The following MINAR1 variants were observed in gnomAD, a reference collection of about 807,000 sequenced individuals.
MINAR1 encodes the protein major intrinsically disordered Notch2-binding receptor 1.
A neutral mutation model predicts 65.1 loss-of-function variants in MINAR1; 40 were observed. The observed-to-expected ratio is 0.61, with a 90% CI of 0.48 to 0.80. MINAR1 has a LOEUF of 0.80. Ranked by LOEUF, MINAR1 falls within the 30% of genes least tolerant of loss-of-function variation. The pLI is 0.00. For missense variants in MINAR1, 1,128 were observed against 1,148.0 expected (o/e 0.98, Z 0.25); for synonymous variants, 482 against 449.1 (o/e 1.07, Z -0.93).
chr15:79,443,060 A>C (rs1894916734), intron 1 of MINAR1, among the ~76,000 whole-genome samples: 1 of 152,146 alleles, frequency 6.6e-6, no homozygotes, highest in Non-Finnish European at 1.5e-5. Context: ...AGCAGATGAG[A>C]TGGACAGTGA....
Position 79,457,791 on chromosome 15 carries a change from G to A in MINAR1, c.1644G>A (p.Leu548=). Residue 548 remains leucine (L), a synonymous_variant, in exon 2 of 4, where the codon TTG becomes TTA. Transcript: ENST00000305428. ...CCTGCTACAACAGCACAGGATCCTTGTCTCAGCTCCATAAGTCAGACTGCG... is the reference window on the plus strand; with the variant it reads ...CCTGCTACAACAGCACAGGATCCTTATCTCAGCTCCATAAGTCAGACTGCG... ...QSSCYNSTGS[L]SQLHKSDCDS... The A allele has an allele frequency of 6.2e-7, 1 of 1,614,164 alleles. No individual in the cohort carries two copies. Among genetic ancestry groups the A allele is most frequent in the Non-Finnish European group, 8.5e-7 (1 of 1,180,020 alleles).
chr15:79,428,374 C>T (rs1378829708), upstream of MINAR1, among the ~76,000 whole-genome samples: 1 of 114,982 alleles, frequency 8.7e-6, no homozygotes, highest in East Asian at 2.9e-4. Context: ...TTCTTTCTTC[C>T]CCTTCCCTCC....
rs552145298 is a variant in MINAR1, at chr15:79,447,605, G to T, written c.-50-8493G>T. Among the ~76,000 whole-genome samples, 67 of 151,806 alleles carry T rather than the reference G, an allele frequency of 4.4e-4. No homozygotes were observed. In the Middle Eastern group the frequency reaches 0.02, roughly 46 times the overall value. ...CCTTAAGGTGGATTCTTTTCTCTGT[G>T]GTGCTCCTATGCACCTTTGATTGTC... is the stretch of plus-strand genomic sequence containing the variant. On this transcript the variant is annotated intron_variant, in intron 1 of 3. Transcript: ENST00000305428.
intron 1 of MINAR1, among the ~76,000 whole-genome samples, chr15:79,435,700 G>A (rs1229211955): frequency 6.6e-6 from 1 of 152,234 alleles, no homozygotes; most frequent in African/African-American, 2.4e-5. Context: ...AAGACTGGTG[G>A]ATGATACACT....
the MINAR1 span, chr15:79,411,507 G>C: frequency 1.9e-5 from 13 of 702,002 alleles, no homozygotes; most frequent in Non-Finnish European, 7.8e-6. Flanking sequence ...CCTCCTAACA[G>C]ATTTTCAGCG....
upstream of MINAR1, among the ~76,000 whole-genome samples, chr15:79,428,258 C>CTCCTTCCTTTCTTCCT (rs1894359470): frequency 1.0e-5 from 1 of 97,286 alleles, no homozygotes; most frequent in Non-Finnish European, 2.0e-5. Flanking sequence ...CCCTCCTTCC[C>CTCCTTCCTTTCTTCCT]TCCTTCCTTT....
rs759678326 is a variant in MINAR1 at position 79,463,139 on chromosome 15, CA to C, written c.2372del (p.Gln791ArgfsTer16). On this transcript the variant is annotated frameshift_variant, in exon 3 of 4. Coordinates refer to ENST00000305428, the MANE Select transcript of MINAR1 (RefSeq NM_015206.3). LOFTEE classifies it high-confidence loss of function. ...GCCCAAAGATGGCTTCCTGGTGGAG[CA>C]GGTGTTCAGCCCTCACCCCTACCCT... ...KQPKDGFLVEQVFSPHPYPAS... is the reference protein window; with the variant it reads ...KQPKDGFLVEXVFSPHPYPAS... 2 of 1,614,216 alleles carry C rather than the reference CA, an allele frequency of 1.2e-6. No homozygotes were observed. The highest frequency in any genetic ancestry group is 1.7e-6 in the Non-Finnish European group (2 of 1,180,030).
chr15:79,418,532 G>A, the MINAR1 span: 3 of 152,254 alleles, frequency 2.0e-5, no homozygotes, highest in Non-Finnish European at 4.4e-5. Context: ...GGTACTCTCA[G>A]TGTTGAATCT....
upstream of MINAR1, among the ~76,000 whole-genome samples, chr15:79,431,090 C>T (rs1894425292): frequency 6.6e-6 from 1 of 151,612 alleles, no homozygotes; most frequent in Non-Finnish European, 1.5e-5. Context: ...AGAAGCTGGC[C>T]AGGGAAAAGC....
At chr15:79,432,142 G>A (rs1421874349), upstream of MINAR1, among the ~76,000 whole-genome samples, 1 of 152,162 alleles carries the variant, frequency 6.6e-6, no homozygotes, top group Admixed American at 6.5e-5. Flanking sequence ...CACAAAGACC[G>A]AGGCTGAGAC....
chr15:79,437,680 T>TTGGTAGTGAGTGTGTGG (rs1894649298), intron 1 of MINAR1, among the ~76,000 whole-genome samples: 1 of 49,128 alleles, frequency 2.0e-5, no homozygotes, highest in Non-Finnish European at 4.2e-5. Flanking sequence ...GGGGTGTGGG[T>TTGGTAGTGAGTGTGTGG]GGCGTGGGTA....
chr15:79,463,377 C>G (rs1895723438), intron 3 of MINAR1, 56 bp downstream of exon 3: 1 of 1,591,054 alleles, frequency 6.3e-7, no homozygotes, highest in African/African-American at 1.3e-5. Flanking sequence ...TGGCAAATGC[C>G]CTGGAATGGA....
chr15:79,450,050 C>T (rs1446067518), intron 1 of MINAR1, among the ~76,000 whole-genome samples: 2 of 152,236 alleles, frequency 1.3e-5, no homozygotes, highest in African/African-American at 4.8e-5. Context: ...TTATGCTCCT[C>T]TGGCACTTGA....
intron 3 of MINAR1, among the ~76,000 whole-genome samples, chr15:79,467,006 G>A (rs1328781353): frequency 2.0e-5 from 3 of 152,180 alleles, no homozygotes; most frequent in Admixed American, 2.0e-4. Context: ...GAACCCCCAT[G>A]GGAGCTTGAG....
At position 79,458,436 on chromosome 15, in the gene MINAR1, A is replaced by T; in HGVS notation, c.2289A>T (p.Lys763Asn). 1 of 1,610,176 alleles carries T rather than the reference A, an allele frequency of 6.2e-7. No individual in the cohort carries two copies. Among genetic ancestry groups the T allele is most frequent in the Non-Finnish European group, 8.5e-7 (1 of 1,177,668 alleles). ...GAGATAATAAAGACTGGCATCGGAA[A>T]TCTAAAGAGGTAATTTAAATTTAAG... ...GPGDNKDWHR[K>N]SKEADRQYDI... Residue 763 changes from lysine (K) to asparagine (N), a missense_variant, in exon 2 of 4, where the codon AAA (lysine) becomes AAT (asparagine). Transcript: ENST00000305428.
intron 1 of MINAR1, among the ~76,000 whole-genome samples, chr15:79,432,904 T>C (rs1472451336): frequency 3.9e-5 from 6 of 152,202 alleles, no homozygotes; most frequent in Non-Finnish European, 8.8e-5. Flanking sequence ...GGGTTAAATA[T>C]GTGAGCTATC....
Position 79,458,303 on chromosome 15 carries a change from CAG to C in MINAR1, c.2159_2160del (p.Glu720ValfsTer26). 1 of 1,614,210 alleles carries C rather than the reference CAG, an allele frequency of 6.2e-7. No individual in the cohort carries two copies. On this transcript the variant is annotated frameshift_variant, in exon 2 of 4. Transcript: ENST00000305428. LOFTEE classifies it high-confidence loss of function. ...TCCCTAACAGAGGAGAACAGTGCCA[CAG>C]AGTCCAAAATTGCCAGCATCTCCAA... is the stretch of plus-strand genomic sequence containing the variant.
intron 1 of MINAR1, among the ~76,000 whole-genome samples, chr15:79,436,940 TG>T (rs1164612259): frequency 2.0e-5 from 3 of 152,232 alleles, no homozygotes; most frequent in African/African-American, 7.2e-5. Flanking sequence ...CCTTTCTTCC[TG>T]CCATTTACTT....
At chr15:79,435,326 T>C (rs1894566981) in intron 1 of MINAR1, among the ~76,000 whole-genome samples, 1 of 151,654 alleles carries the variant, frequency 6.6e-6, no homozygotes, top group Admixed American at 6.6e-5. Context: ...GGGAGGGACA[T>C]AGCAGCCAGT....
Sources: allele counts gnomAD v4.1 joint callset (sites outside exome capture counted in the v4.1 genomes callset), GRCh38; gene constraint gnomAD v4.1.1; transcripts MANE v1.5; gene names NCBI Gene and HGNC (gene_info 2026-07-23, HGNC 2026-07-21).